Variants in PLEKHA2 observed in about 807,000 individuals in gnomAD.
The protein encoded by PLEKHA2 is pleckstrin homology domain containing A2.
In PLEKHA2, 28 loss-of-function variants were observed where a neutral mutation model predicts 53.2. The observed-to-expected ratio is 0.53, with a 90% CI of 0.39 to 0.72. The LOEUF (loss-of-function observed/expected upper bound fraction) is 0.72, where lower values mean the gene tolerates loss of function less well. PLEKHA2 is among the 30% of genes least tolerant of loss of function. The probability of loss-of-function intolerance (pLI) is 0.00; values close to 1 mark genes in which losing one functional copy is unlikely to be tolerated. For missense variants in PLEKHA2, 426 were observed against 537.9 expected, an observed-to-expected ratio of 0.79 and a Z score of 2.06; for synonymous variants, 193 against 196.4, an observed-to-expected ratio of 0.98 and a Z score of 0.14.
intron 5 of PLEKHA2, 117 bp from the exon 6 acceptor site, chr8:38,950,733 A>G: frequency 7.6e-7 from 1 of 1,313,296 alleles, no homozygotes; most frequent in Non-Finnish European, 1.0e-6. Context: ...GAGGACACGC[A>G]AGTCTGACTG....
In PLEKHA2 at chr8:38,953,445, ACT is replaced by A. The variant is rs1015896988; in HGVS notation, c.773+81_773+82del. The A allele has an allele frequency of 7.8e-5, 104 of 1,338,410 alleles. 1 individual carries two copies. The Admixed American group carries it at 1.7e-3, about 22-fold the overall frequency. 82.9% of individuals were successfully genotyped at this position (1,338,410 alleles called of 1,614,324 possible). A position where few individuals can be genotyped will look rare whatever the true frequency, so the allele number is the denominator to read the frequency against. ...AATCTCCCTTTACTACCCTTCAGAGACTCTATGCAAGAGTCATCTTCTTCCAA... is the reference window on the plus strand; with the variant it reads ...AATCTCCCTTTACTACCCTTCAGAGACTATGCAAGAGTCATCTTCTTCCAA... On this transcript the variant is annotated intron_variant, in intron 9 of 11. Coordinates refer to ENST00000617275, the MANE Select transcript of PLEKHA2 (RefSeq NM_021623.2).
chr8:38,930,517 C>G (rs558365054), intron 2 of PLEKHA2, among the ~76,000 whole-genome samples: 2 of 152,318 alleles, frequency 1.3e-5, no homozygotes, highest in East Asian at 3.9e-4. Flanking sequence ...AACCACCTAT[C>G]TTTTAACAGG....
chr8:38,964,807 G>A (rs371389519), intron 10 of PLEKHA2, among the ~76,000 whole-genome samples: 1 of 132,574 alleles, frequency 7.5e-6, no homozygotes, highest in East Asian at 2.4e-4. Flanking sequence ...TTAGAATTTT[G>A]TGAGGTTTTA....
rs572600577 is a variant in PLEKHA2, at chr8:38,948,770, C to T, written c.346-2080C>T. Among the ~76,000 whole-genome samples, 6 of 152,228 alleles carry T rather than the reference C, an allele frequency of 3.9e-5. No homozygotes were observed. The East Asian group carries it at 5.8e-4, about 15-fold the overall frequency. The stretch of plus-strand genomic sequence containing the variant: ...TTCTCTCGAAGTCCCGGTGACGTCC[C>T]GGCAGATAGATGTAGGGTGTTGCGT... On this transcript the variant is annotated intron_variant, in intron 5 of 11. Coordinates refer to ENST00000617275, the MANE Select transcript of PLEKHA2 (RefSeq NM_021623.2).
Position 38,901,415 on chromosome 8 carries a change from C to T in PLEKHA2, c.-54C>T, listed in dbSNP as rs1215269250. 1 of 129,648 alleles carries T rather than the reference C, an allele frequency of 7.7e-6. No homozygotes were observed. Among genetic ancestry groups the T allele is most frequent in the Non-Finnish European group, 1.7e-5 (1 of 60,054 alleles). The allele number at this position is 129,648 out of a possible 1,614,324, so 8.0% of individuals were successfully genotyped here. A position where few individuals can be genotyped will look rare whatever the true frequency, so the allele number is the denominator to read the frequency against. ...GGCGACCCCGCCCGATGTAACGCGC[C>T]CCGCCCGAGCCCCGGCCCCTGCACG... On this transcript the variant is annotated 5_prime_UTR_variant, in exon 1 of 12. Coordinates refer to ENST00000617275, the MANE Select transcript of PLEKHA2 (RefSeq NM_021623.2).
chr8:38,944,802 A>G (rs913893244), intron 4 of PLEKHA2, among the ~76,000 whole-genome samples: 1 of 152,216 alleles, frequency 6.6e-6, no homozygotes, highest in African/African-American at 2.4e-5. Context: ...AAACCATATC[A>G]ATGTCCATCA....
At chr8:38,967,964 A>T (rs1268301564) in intron 10 of PLEKHA2, among the ~76,000 whole-genome samples, 1 of 152,140 alleles carries the variant, frequency 6.6e-6, no homozygotes, top group Middle Eastern at 3.4e-3. Context: ...CTTGGCCTAC[A>T]CTTTTTAATG....
chr8:38,972,225 T>G lies in PLEKHA2; in HGVS notation c.*2442T>G, dbSNP rs1835264409. 6.6e-6 allele frequency: 1 copy of G among 152,188 alleles called. No individual in the cohort carries two copies. Among genetic ancestry groups the G allele is most frequent in the Non-Finnish European group, 1.5e-5 (1 of 68,034 alleles). 9.4% of individuals were successfully genotyped at this position (152,188 alleles called of 1,614,324 possible). Reference sequence around the variant, plus strand: ...TTTAAAAGACAGGGTCTCACTCTCTTACCCAGGCTAGAGTGCAGTGGTGTG... The same window carrying G: ...TTTAAAAGACAGGGTCTCACTCTCTGACCCAGGCTAGAGTGCAGTGGTGTG... On this transcript the variant is annotated 3_prime_UTR_variant, in exon 12 of 12. Coordinates refer to ENST00000617275, the MANE Select transcript of PLEKHA2 (RefSeq NM_021623.2).
At chr8:38,947,531 G>A (rs11990200) in intron 5 of PLEKHA2, among the ~76,000 whole-genome samples, 27,630 of 152,170 alleles carry the variant, frequency 0.18, 2,912 homozygotes, top group Non-Finnish European at 0.24. Context: ...GCTGAGGCAG[G>A]AGGATCACTT....
chr8:38,914,834 G>C (rs1268521586), intron 1 of PLEKHA2, among the ~76,000 whole-genome samples: 5 of 152,232 alleles, frequency 3.3e-5, no homozygotes, highest in Non-Finnish European at 5.9e-5. Context: ...AGGTTGGCTG[G>C]TTTGAAGGTG....
At chr8:38,943,747 A>C (rs1564136040) in intron 3 of PLEKHA2, 42 bp from the exon 4 acceptor site, 1 of 1,443,334 alleles carries the variant, frequency 6.9e-7, no homozygotes, top group Non-Finnish European at 9.4e-7. Flanking sequence ...TCAACATTGT[A>C]AGACACATAT....
At chr8:38,949,897 G>A (rs1038115040) in intron 5 of PLEKHA2, among the ~76,000 whole-genome samples, 2 of 152,198 alleles carry the variant, frequency 1.3e-5, no homozygotes. Context: ...TTCGTGAGAG[G>A]TGAAGGGTTA....
rs1294709719 is a variant in PLEKHA2 at position 38,969,678 on chromosome 8, G to A, written c.1173G>A (p.Val391=). 1 of 1,581,952 alleles carries A rather than the reference G, an allele frequency of 6.3e-7. No homozygotes were observed. Residue 391 remains valine (V), a synonymous_variant, in exon 12 of 12, where the codon GTG becomes GTA. Transcript: ENST00000617275. ...CTGGGGAGGGCAGCGCTCCTGGGGTGCTGCCCAGCTCCCGGATAAGGCACA... is the reference window on the plus strand; with the variant it reads ...CTGGGGAGGGCAGCGCTCCTGGGGTACTGCCCAGCTCCCGGATAAGGCACA... ...PRPGEGSAPG[V]LPSSRIRHRS... is the part of the protein sequence containing the mutation.
chr8:38,912,027 G>A (rs1255677109), intron 1 of PLEKHA2, among the ~76,000 whole-genome samples: 2 of 152,018 alleles, frequency 1.3e-5, no homozygotes, highest in African/African-American at 2.4e-5. Context: ...TTGGCTGGGC[G>A]TAGTGGCTCA....
At chr8:38,939,945 T>C (rs534143966) in intron 3 of PLEKHA2, among the ~76,000 whole-genome samples, 1 of 151,556 alleles carries the variant, frequency 6.6e-6, no homozygotes, top group Admixed American at 6.6e-5. Context: ...AAAAATAAAA[T>C]TTAGCTGAGC....
intron 5 of PLEKHA2, 64 bp downstream of exon 5, chr8:38,946,285 G>A (rs934844509): frequency 7.5e-5 from 105 of 1,394,820 alleles, no homozygotes; most frequent in Non-Finnish European, 1.0e-4. Flanking sequence ...CTATGGCCTT[G>A]TTGGGGTTGG....
rs1243675411 is a variant in PLEKHA2, at chr8:38,950,936, G to A, written c.432G>A (p.Val144=). ...CAGCCCTGGAGAAGAAGCCACAGGTGGCCTACAAGACGGAGATCATTGGAG... is the reference window on the plus strand; with the variant it reads ...CAGCCCTGGAGAAGAAGCCACAGGTAGCCTACAAGACGGAGATCATTGGAG... ...APPALEKKPQ[V]AYKTEIIGGV... is the part of the protein sequence containing the mutation. The change falls in exon 6 of 12, where the codon GTG becomes GTA. Residue 144 remains valine, a synonymous_variant. Coordinates refer to ENST00000617275, the MANE Select transcript of PLEKHA2 (RefSeq NM_021623.2). The A allele has an allele frequency of 6.2e-7, 1 of 1,613,984 alleles. No individual in the cohort carries two copies. The highest frequency in any genetic ancestry group is 1.7e-5 in the Admixed American group (1 of 60,024).
chr8:38,940,834 G>A (rs1834597521), intron 3 of PLEKHA2, among the ~76,000 whole-genome samples: 1 of 151,628 alleles, frequency 6.6e-6, no homozygotes, highest in African/African-American at 2.4e-5. Context: ...TTTTTCGTAG[G>A]CTCTGTGGCT....
chr8:38,902,189 T>C (rs1450243811), intron 1 of PLEKHA2: 2 of 131,274 alleles, frequency 1.5e-5, no homozygotes, highest in South Asian at 2.6e-4. Flanking sequence ...TTCACCAAAA[T>C]TTTTTTAAAA....
Sources: gnomAD v4.1 joint callset for allele counts (sites outside exome capture counted in the v4.1 genomes callset) on GRCh38, gnomAD v4.1.1 for gene constraint, MANE v1.5 for transcripts, NCBI Gene and HGNC (gene_info 2026-07-23, HGNC 2026-07-21) for gene names.